The following AFAP1L2 variants were observed in gnomAD, a reference collection of about 807,000 sequenced individuals.
AFAP1L2 encodes the protein actin filament associated protein 1 like 2.
AFAP1L2 carries 46 observed loss-of-function variants against 99.3 expected under a neutral mutation model. The observed-to-expected ratio is 0.46, with a 90% CI of 0.37 to 0.59. The LOEUF (loss-of-function observed/expected upper bound fraction) is 0.59, where lower values mean the gene tolerates loss of function less well. Among genes scored for constraint, AFAP1L2 ranks in the 20% least tolerant of loss-of-function variants. The probability of loss-of-function intolerance (pLI) is 0.00; values close to 1 mark genes in which losing one functional copy is unlikely to be tolerated. For synonymous variants in AFAP1L2, 397 were observed against 419.1 expected (o/e 0.95, Z 0.64); for missense variants, 959 against 1,034.9 (o/e 0.93, Z 1.01).
At position 114,371,498 on chromosome 10, in the gene AFAP1L2, G is replaced by A. The variant is rs78495291; in HGVS notation, c.17-30767C>T. Among the ~76,000 whole-genome samples, 805 of 152,014 alleles carry A rather than the reference G, an allele frequency of 5.3e-3. 6 individuals are homozygous for A. The highest frequency in any genetic ancestry group is 0.018 in the African/African-American group (765 of 41,476). ...TTACCAAGCTCAGAATTTGGGCCGT[G>A]GAAAAACTCCTATGTTTACTTTTTC... On this transcript the variant is annotated intron_variant, in intron 1 of 18. Transcript: ENST00000304129.
intron 4 of AFAP1L2, among the ~76,000 whole-genome samples, chr10:114,330,467 T>C (rs895345424): frequency 3.9e-5 from 6 of 152,212 alleles, no homozygotes; most frequent in African/African-American, 1.4e-4. Flanking sequence ...TTACAGGCTG[T>C]GTGACATTAG....
At chr10:114,324,407 C>G (rs1046714770) in intron 4 of AFAP1L2, among the ~76,000 whole-genome samples, 1 of 148,740 alleles carries the variant, frequency 6.7e-6, no homozygotes, top group East Asian at 1.9e-4. Context: ...CCCCCCCCCC[C>G]CCCCCGGCTA....
chr10:114,369,532 T>C (rs532050461), intron 1 of AFAP1L2, among the ~76,000 whole-genome samples: 18 of 149,998 alleles, frequency 1.2e-4, no homozygotes, highest in Non-Finnish European at 2.5e-4. Context: ...GAGGCGGAGC[T>C]TGCAGTGAGC....
At chr10:114,302,782 A>C (rs1354947540) in intron 11 of AFAP1L2, among the ~76,000 whole-genome samples, 1 of 152,232 alleles carries the variant, frequency 6.6e-6, no homozygotes, top group African/African-American at 2.4e-5. Flanking sequence ...ACTTATCACC[A>C]GGTGGTCACT....
chr10:114,399,199 C>T (rs2058020825), intron 1 of AFAP1L2, among the ~76,000 whole-genome samples: 1 of 152,194 alleles, frequency 6.6e-6, no homozygotes, highest in Non-Finnish European at 1.5e-5. Context: ...TTCAGCCTGG[C>T]AGGGAAACAA....
At chr10:114,385,437 C>T (rs574972190) in intron 1 of AFAP1L2, among the ~76,000 whole-genome samples, 1 of 152,064 alleles carries the variant, frequency 6.6e-6, no homozygotes, top group African/African-American at 2.4e-5. Context: ...AGGTCAGGGT[C>T]GAAGCCATCT....
rs1240206441 is a variant in AFAP1L2, at chr10:114,305,292, T to TGCGGACGCAGGAGGGGAC, written c.1073-380_1073-363dup. On this transcript the variant is annotated intron_variant, in intron 10 of 18. Transcript: ENST00000304129. ...GAGGGCACGCGGATGCAGGAGGGGATGCGGACGCAGGAGGGGACGGAGCTG... is the reference window on the plus strand; with the variant it reads ...GAGGGCACGCGGATGCAGGAGGGGATGCGGACGCAGGAGGGGACGCGGACGCAGGAGGGGACGGAGCTG... Among the ~76,000 whole-genome samples, 12 of 97,530 alleles carry TGCGGACGCAGGAGGGGAC rather than the reference T, an allele frequency of 1.2e-4. No homozygotes were observed. In the East Asian group the frequency reaches 2.4e-3, roughly 20 times the overall value. The allele number at this position is 97,530 out of a possible 152,430, so 64.0% of individuals were successfully genotyped here.
intron 11 of AFAP1L2, 31 bp downstream of exon 11, chr10:114,304,688 T>A: frequency 6.4e-7 from 1 of 1,559,254 alleles, no homozygotes; most frequent in Non-Finnish European, 8.7e-7. Context: ...ACACCCTGGC[T>A]GGCCCTGCTC....
chr10:114,392,491 A>C (rs2057270290), intron 1 of AFAP1L2, among the ~76,000 whole-genome samples: 1 of 152,198 alleles, frequency 6.6e-6, no homozygotes, highest in Non-Finnish European at 1.5e-5. Flanking sequence ...TCCTGAATTA[A>C]ATTAGGACTT....
chr10:114,349,942 T>C (rs1336335556), intron 1 of AFAP1L2, among the ~76,000 whole-genome samples: 1 of 152,166 alleles, frequency 6.6e-6, no homozygotes, highest in African/African-American at 2.4e-5. Context: ...GTCTCATCAC[T>C]TAAAACACTT....
In AFAP1L2 at chr10:114,301,376, T is replaced by C. The variant is rs896772905; in HGVS notation, c.1520A>G (p.Asp507Gly). 16 of 1,614,040 alleles carry C rather than the reference T, an allele frequency of 9.9e-6. No homozygotes were observed. The African/African-American group carries it at 2.0e-4, about 20-fold the overall frequency. Reference sequence around the variant, plus strand: ...TACCGCAGCTGTGAGCTCTGACAGGTCCACGTCGTCATACAGCTCCTCCTG... The same window carrying C: ...TACCGCAGCTGTGAGCTCTGACAGGCCCACGTCGTCATACAGCTCCTCCTG... The part of the protein sequence containing the change: ...DRQEELYDDV[D>G]LSELTAAVEP... The change falls in exon 13 of 19, where the codon GAC (aspartate) becomes GGC (glycine). Residue 507 changes from aspartate (D) to glycine (G), a missense_variant. Asp to Gly is a moderately conservative substitution (Grantham distance 94). Coordinates refer to ENST00000304129, the MANE Select transcript of AFAP1L2 (RefSeq NM_001001936.3).
At chr10:114,370,922 G>A (rs1008399700) in intron 1 of AFAP1L2, among the ~76,000 whole-genome samples, 2 of 152,170 alleles carry the variant, frequency 1.3e-5, no homozygotes, top group Admixed American at 1.3e-4. Context: ...TTAAAGCCCA[G>A]TTCAAGTCCT....
chr10:114,402,981 A>C (rs982594820), intron 1 of AFAP1L2, among the ~76,000 whole-genome samples: 3 of 152,182 alleles, frequency 2.0e-5, no homozygotes, highest in Non-Finnish European at 4.4e-5. Flanking sequence ...GAGGGGCCCC[A>C]GTAGGGGAGG....
chr10:114,363,116 G>A (rs989861104), intron 1 of AFAP1L2: 49 of 985,298 alleles, frequency 5.0e-5, no homozygotes, highest in Admixed American at 6.2e-5. Context: ...ACTGGGCGTC[G>A]TCATCTTGCA....
At chr10:114,382,218 T>C (rs142476110) in intron 1 of AFAP1L2, among the ~76,000 whole-genome samples, 50 of 152,328 alleles carry the variant, frequency 3.3e-4, no homozygotes, top group Non-Finnish European at 5.7e-4. Context: ...TGCAAGGCAA[T>C]TCATGGACGT....
rs1182511405 is a variant in AFAP1L2 at position 114,345,507 on chromosome 10, C to T, written c.17-4776G>A. On this transcript the variant is annotated intron_variant, in intron 1 of 18. Coordinates refer to ENST00000304129, the MANE Select transcript of AFAP1L2 (RefSeq NM_001001936.3). ...TGAGGGTGTGAGCTAATCATGGCAG[C>T]TGGGCACCATGCCATCAGCTGTGCC... 2.0e-5 allele frequency among the ~76,000 whole-genome samples: 3 copies of T among 152,182 alleles called. No homozygotes were observed. In the East Asian group the frequency reaches 5.8e-4, roughly 29 times the overall value.
At chr10:114,325,904 C>T in intron 4 of AFAP1L2, 1 of 1,289,218 alleles carries the variant, frequency 7.8e-7, no homozygotes, top group Non-Finnish European at 1.0e-6. Context: ...AAGGTCTCCC[C>T]AGTGGGTCCC....
rs747277134 is a variant in AFAP1L2, at chr10:114,382,588, C to CTTCTTTTTTTT, written c.16+21851_16+21852insAAAAAAAAGAA. On this transcript the variant is annotated intron_variant, in intron 1 of 18. Transcript: ENST00000304129. Reference sequence around the variant, plus strand: ...CAATGATATTATGTATATTTCTTCTCTTTTTTTTTTTTTTTTTTTTTTGAG... The same window carrying CTTCTTTTTTTT: ...CAATGATATTATGTATATTTCTTCTCTTCTTTTTTTTTTTTTTTTTTTTTTTTTTTTTTGAG... Among the ~76,000 whole-genome samples, 19 of 93,286 alleles carry CTTCTTTTTTTT rather than the reference C, an allele frequency of 2.0e-4. 1 individual carries two copies. The highest frequency in any genetic ancestry group is 3.9e-4 in the Admixed American group (3 of 7,622). The allele number at this position is 93,286 out of a possible 152,430, so 61.2% of individuals were successfully genotyped here.
chr10:114,362,113 C>T (rs1006297594), intron 1 of AFAP1L2, among the ~76,000 whole-genome samples: 1 of 152,124 alleles, frequency 6.6e-6, no homozygotes, highest in Non-Finnish European at 1.5e-5. Context: ...GCCTTGGTTT[C>T]CATGCCCATA....
Sources: gnomAD v4.1 joint callset for allele counts (sites outside exome capture counted in the v4.1 genomes callset) on GRCh38, gnomAD v4.1.1 for gene constraint, MANE v1.5 for transcripts, NCBI Gene and HGNC (gene_info 2026-07-23, HGNC 2026-07-21) for gene names.